INTS9: variants seen among roughly 807,000 people sequenced by gnomAD.
INTS9 encodes protein related to CPSF subunits of 74 kDa.
INTS9 carries 55 observed loss-of-function variants against 79.7 expected under a neutral mutation model. The observed-to-expected ratio is 0.69, with a 90% CI of 0.56 to 0.86. INTS9 has a LOEUF of 0.86. INTS9 is among the 40% of genes least tolerant of loss of function. The pLI is 0.00. For missense variants in INTS9, 721 were observed against 831.5 expected (o/e 0.87, Z 1.64); for synonymous variants, 319 against 325.2 (o/e 0.98, Z 0.20).
chr8:28,847,120 A>G (rs1354983207), intron 3 of INTS9, among the ~76,000 whole-genome samples: 2 of 152,182 alleles, frequency 1.3e-5, no homozygotes, highest in African/African-American at 2.4e-5. Context: ...CAAATAAGGT[A>G]TGCAAACTGT....
intron 8 of INTS9, chr8:28,798,497 A>G (rs1035554402): frequency 1.3e-5 from 2 of 152,108 alleles, no homozygotes; most frequent in African/African-American, 4.8e-5. Context: ...TGCCTGTGTA[A>G]ACTTTTCTTT....
intron 6 of INTS9, among the ~76,000 whole-genome samples, chr8:28,829,300 G>A (rs1346254409): frequency 1.3e-5 from 2 of 152,140 alleles, no homozygotes; most frequent in Non-Finnish European, 2.9e-5. Context: ...TACATTGTGA[G>A]GGATTCTCCT....
chr8:28,843,672 G>A (rs1319236159), intron 4 of INTS9, among the ~76,000 whole-genome samples: 1 of 151,814 alleles, frequency 6.6e-6, no homozygotes, highest in South Asian at 2.1e-4. Flanking sequence ...ATGCCTGCTG[G>A]TGTAGCTACA....
chr8:28,773,375 A>G (rs1313647372), intron 14 of INTS9, among the ~76,000 whole-genome samples: 2 of 150,702 alleles, frequency 1.3e-5, no homozygotes, highest in African/African-American at 4.9e-5. Context: ...GAGGCAGGAG[A>G]ATGGCATGAA....
At chr8:28,861,333 TTAAAGA>T (rs1455404253) in intron 1 of INTS9, among the ~76,000 whole-genome samples, 4 of 152,202 alleles carry the variant, frequency 2.6e-5, no homozygotes, top group African/African-American at 7.2e-5. Context: ...GAACTATTTG[TTAAAGA>T]TAAACTATCT....
chr8:28,856,467 G>A (rs1808166897), intron 2 of INTS9, among the ~76,000 whole-genome samples: 1 of 152,034 alleles, frequency 6.6e-6, no homozygotes. Context: ...TGTCACCCAA[G>A]CTGGAGTGCG....
At chr8:28,882,532 TAAAA>T (rs369293166) in intron 1 of INTS9, among the ~76,000 whole-genome samples, 2 of 63,300 alleles carry the variant, frequency 3.2e-5, no homozygotes, top group African/African-American at 6.9e-5. Flanking sequence ...TATTAACAGC[TAAAA>T]AAAAAAAAAA....
At chr8:28,863,533 T>C (rs1161930610) in intron 1 of INTS9, among the ~76,000 whole-genome samples, 3 of 152,214 alleles carry the variant, frequency 2.0e-5, no homozygotes, top group East Asian at 3.8e-4. Context: ...CCCAGCACTT[T>C]GGGAGGCCAA....
intron 6 of INTS9, among the ~76,000 whole-genome samples, chr8:28,828,222 C>A (rs182843402): frequency 1.3e-5 from 2 of 152,336 alleles, no homozygotes; most frequent in African/African-American, 4.8e-5. Flanking sequence ...CTACAGGTAA[C>A]AGTGGAATTT....
chr8:28,800,859 T>G (rs1180991523), intron 8 of INTS9, among the ~76,000 whole-genome samples: 1 of 152,198 alleles, frequency 6.6e-6, no homozygotes, highest in Non-Finnish European at 1.5e-5. Context: ...ATACGTTACT[T>G]CTGAGAGAAG....
chr8:28,874,376 T>C (rs1177875654), intron 1 of INTS9, among the ~76,000 whole-genome samples: 2 of 151,656 alleles, frequency 1.3e-5, no homozygotes, highest in Middle Eastern at 3.4e-3. Flanking sequence ...TGCAAGCTCC[T>C]CTTCCCAGGT....
rs903464887 is a variant in INTS9 at position 28,784,343 on chromosome 8, C to G, written c.1099-3349G>C. On this transcript the variant is annotated intron_variant, in intron 11 of 16. Coordinates refer to ENST00000521022, the MANE Select transcript of INTS9 (RefSeq NM_018250.4). ...CTGCAAAGGAAGCAAAACAGACATTCAAGAGCAAAGTCCACCACAAGATGT... is the reference window on the plus strand; with the variant it reads ...CTGCAAAGGAAGCAAAACAGACATTGAAGAGCAAAGTCCACCACAAGATGT... 2.0e-5 allele frequency among the ~76,000 whole-genome samples: 3 copies of G among 152,250 alleles called. No individual in the cohort carries two copies. In the East Asian group the frequency reaches 5.8e-4, roughly 29 times the overall value.
chr8:28,827,851 T>C (rs909273400), intron 6 of INTS9, among the ~76,000 whole-genome samples: 1 of 152,198 alleles, frequency 6.6e-6, no homozygotes, highest in Non-Finnish European at 1.5e-5. Flanking sequence ...CTGGCCAGCA[T>C]AGAGTGTCCT....
chr8:28,852,026 C>A (rs1807866089), intron 2 of INTS9, among the ~76,000 whole-genome samples: 1 of 152,030 alleles, frequency 6.6e-6, no homozygotes, highest in Non-Finnish European at 1.5e-5. Context: ...TGAGCCCAGC[C>A]TGGGCATCAT....
chr8:28,814,850 A>G (rs553866346), intron 6 of INTS9, among the ~76,000 whole-genome samples: 89 of 152,360 alleles, frequency 5.8e-4, no homozygotes, highest in Non-Finnish European at 9.6e-4. Flanking sequence ...CAAAGAAAAA[A>G]AATTAATGAA....
rs1802506404 is a variant in INTS9, at chr8:28,771,057, C to T, written c.1587G>A (p.Met529Ile). The change falls in exon 15 of 17, where the codon ATG (methionine) becomes ATA (isoleucine). Residue 529 changes from methionine (M) to isoleucine (I), a missense_variant. Around this residue, in one of 3 missense-constraint regions of INTS9, gnomAD observed 281 missense variants for 300.8 expected, o/e 0.93. Coordinates refer to ENST00000521022, the MANE Select transcript of INTS9 (RefSeq NM_018250.4). ...CCAAGGAGATGCCAGGCTTGATCTC[C>T]ATGGGCACCAGTGAATCTGCGAGCT... ...MPELADSLVP[M>I]EIKPGISLAT... 6.2e-7 allele frequency: 1 copy of T among 1,611,822 alleles called. No homozygotes were observed. Among genetic ancestry groups the T allele is most frequent in the Non-Finnish European group, 8.5e-7 (1 of 1,179,016 alleles).
chr8:28,788,479 C>T (rs551437475), intron 10 of INTS9, among the ~76,000 whole-genome samples: 10 of 152,240 alleles, frequency 6.6e-5, no homozygotes, highest in South Asian at 4.1e-4. Context: ...AGTGCAATGG[C>T]GCGATCTCGG....
At chr8:28,774,631 G>A (rs1283484652) in intron 14 of INTS9, among the ~76,000 whole-genome samples, 1 of 152,208 alleles carries the variant, frequency 6.6e-6, no homozygotes, top group East Asian at 1.9e-4. Context: ...ATGGAAATGA[G>A]TCACATTCAG....
chr8:28,769,880 C>G lies in INTS9; in HGVS notation c.1800+9G>C. 6.2e-7 allele frequency: 1 copy of G among 1,613,416 alleles called. No individual in the cohort carries two copies. Among genetic ancestry groups the G allele is most frequent in the Non-Finnish European group, 8.5e-7 (1 of 1,179,678 alleles). The stretch of plus-strand genomic sequence containing the variant: ...TGGAGTTTTCACGGCACCAGCGAAA[C>G]CAGCTCACCTTCTCCAGGGTCTGCA... On this transcript the variant is annotated intron_variant, in intron 16 of 16. Coordinates refer to ENST00000521022, the MANE Select transcript of INTS9 (RefSeq NM_018250.4).
Sources: allele counts gnomAD v4.1 joint callset (sites outside exome capture counted in the v4.1 genomes callset), GRCh38; gene constraint gnomAD v4.1.1; regional missense constraint gnomAD v4.1.1; transcripts MANE v1.5; gene names NCBI Gene and HGNC (gene_info 2026-07-23, HGNC 2026-07-21).